SHC2: variants seen among roughly 807,000 people sequenced by gnomAD.
The protein encoded by SHC2 is SHC adaptor protein 2.
Under a neutral mutation model 60.6 loss-of-function variants are expected in SHC2, and 62 were observed. The ratio of observed to expected loss-of-function variants is 1.02; its 90% CI spans 0.83 to 1.26. The LOEUF (loss-of-function observed/expected upper bound fraction) is 1.26. SHC2 is among the 50% of genes most tolerant of loss of function. The pLI, the probability that SHC2 is intolerant of heterozygous loss-of-function variation, is 0.00. For missense variants in SHC2, 873 were observed against 822.2 expected (o/e 1.06, Z -0.76); for synonymous variants, 375 against 372.4 (o/e 1.01, Z -0.08).
In SHC2 at chr19:425,408, C is replaced by G. The variant is rs1293606310; in HGVS notation, c.1175-177G>C. Among the ~76,000 whole-genome samples the G allele has an allele frequency of 6.6e-6, 1 of 152,208 alleles. No homozygotes were observed. Among genetic ancestry groups the G allele is most frequent in the East Asian group, 1.9e-4 (1 of 5,192 alleles). ...GCCCGTCTGCAGGTGCCACAGGGAG[C>G]ATCTTACAGCAGCAAAGCCCCGTCG... On this transcript the variant is annotated intron_variant, in intron 9 of 12. Transcript: ENST00000264554. The surrounding 1 kb of genome is among the most constrained non-coding windows in gnomAD (Gnocchi z 4.1).
At chr19:419,794 C>A (rs2145685419) in intron 11 of SHC2, 1 of 151,696 alleles carries the variant, frequency 6.6e-6, no homozygotes, top group South Asian at 2.1e-4. Flanking sequence ...TGAACGAGAC[C>A]CTCTTAGCGC....
intron 1 of SHC2, among the ~76,000 whole-genome samples, chr19:452,710 G>A (rs1975230194): frequency 6.6e-6 from 1 of 152,226 alleles, no homozygotes. Flanking sequence ...GCTATAAATA[G>A]TGGTAGTTGA....
rs1228711113 is a variant in SHC2, at chr19:425,851, A to G, written c.1175-620T>C. ...CGAGACCAGCCTGGCCAACATGGTGAAACCCCGTCTCTACTAAAAATGCAA... is the reference window on the plus strand; with the variant it reads ...CGAGACCAGCCTGGCCAACATGGTGGAACCCCGTCTCTACTAAAAATGCAA... On this transcript the variant is annotated intron_variant, in intron 9 of 12. Coordinates refer to ENST00000264554, the MANE Select transcript of SHC2 (RefSeq NM_012435.3). The surrounding 1 kb of genome is among the most constrained non-coding windows in gnomAD (Gnocchi z 4.1). Among the ~76,000 whole-genome samples the G allele has an allele frequency of 6.6e-6, 1 of 152,012 alleles. No individual in the cohort carries two copies. Among genetic ancestry groups the G allele is most frequent in the Non-Finnish European group, 1.5e-5 (1 of 68,008 alleles).
In SHC2 at chr19:445,879, CAAAAAT is replaced by C. The variant is rs969217739; in HGVS notation, c.469-4953_469-4948del. Among the ~76,000 whole-genome samples the C allele has an allele frequency of 2.0e-5, 3 of 151,740 alleles. No homozygotes were observed. Among genetic ancestry groups the C allele is most frequent in the Non-Finnish European group, 4.4e-5 (3 of 67,944 alleles). On this transcript the variant is annotated intron_variant, in intron 1 of 12. Coordinates refer to ENST00000264554, the MANE Select transcript of SHC2 (RefSeq NM_012435.3). The surrounding 1 kb of genome is among the most constrained non-coding windows in gnomAD (Gnocchi z 4.4). ...AGAAACCCCAACTCTACTGAAAATA[CAAAAAT>C]AAAAATAAAAATAAAAAAATTAGCT...
intron 1 of SHC2, among the ~76,000 whole-genome samples, chr19:449,190 T>C (rs1457238698): frequency 6.7e-6 from 1 of 149,998 alleles, no homozygotes; most frequent in Non-Finnish European, 1.5e-5. Flanking sequence ...ATAAATAAAA[T>C]AAAAATTAGC....
intron 11 of SHC2, among the ~76,000 whole-genome samples, chr19:420,337 C>T (rs1214905402): frequency 6.6e-6 from 1 of 152,172 alleles, no homozygotes; most frequent in Non-Finnish European, 1.5e-5. Flanking sequence ...CCGCCCGCCG[C>T]CGTGTGCTTC....
rs899661650 is a variant in SHC2, at chr19:446,556, C to T, written c.469-5624G>A. On this transcript the variant is annotated intron_variant, in intron 1 of 12. Coordinates refer to ENST00000264554, the MANE Select transcript of SHC2 (RefSeq NM_012435.3). This position sits in a 1 kb window ranked among gnomAD's most constrained non-coding sequence, Gnocchi z 5.4. Reference sequence around the variant, plus strand: ...GATCTCTTGACCTTGTGATCCGCCTCGGTCTCCCAAAGTGCTGGGACTACA... The same window carrying T: ...GATCTCTTGACCTTGTGATCCGCCTTGGTCTCCCAAAGTGCTGGGACTACA... 1.3e-5 allele frequency among the ~76,000 whole-genome samples: 2 copies of T among 152,128 alleles called. No individual in the cohort carries two copies. Among genetic ancestry groups the T allele is most frequent in the Non-Finnish European group, 2.9e-5 (2 of 68,030 alleles).
intron 11 of SHC2, among the ~76,000 whole-genome samples, chr19:420,621 G>A (rs1321448148): frequency 6.6e-6 from 1 of 152,206 alleles, no homozygotes; most frequent in East Asian, 1.9e-4. Flanking sequence ...CATGATTTTA[G>A]GTACCAGGAG....
chr19:456,450 C>T (rs973411447), intron 1 of SHC2, among the ~76,000 whole-genome samples: 1 of 152,158 alleles, frequency 6.6e-6, no homozygotes, highest in African/African-American at 2.4e-5. Flanking sequence ...CGCCGTCCCT[C>T]GCAGCCTCCT....
intron 12 of SHC2, among the ~76,000 whole-genome samples, chr19:417,613 C>G (rs1404453805): frequency 6.6e-6 from 1 of 152,246 alleles, no homozygotes; most frequent in South Asian, 2.1e-4. Flanking sequence ...ATTCCTGGGA[C>G]AGGGCAACGG....
In SHC2 at chr19:424,996, C is replaced by A. The variant is rs1380754674; in HGVS notation, c.1309+101G>T. ...ACGGGGAGAAGGGAGCCTCCCCCAT[C>A]AGACCAGGGAATCCCGTAGGGAGTG... On this transcript the variant is annotated intron_variant, in intron 10 of 12. Transcript: ENST00000264554. The surrounding 1 kb of genome is among the most constrained non-coding windows in gnomAD (Gnocchi z 4.5). 2.4e-6 allele frequency: 3 copies of A among 1,232,424 alleles called. No homozygotes were observed. The African/African-American group carries it at 4.6e-5, about 19-fold the overall frequency. The allele number at this position is 1,232,424 out of a possible 1,614,324, so 76.3% of individuals were successfully genotyped here. A position where few individuals can be genotyped will look rare whatever the true frequency, so the allele number is the denominator to read the frequency against.
intron 12 of SHC2, 46 bp downstream of exon 12, chr19:418,877 C>G: frequency 1.9e-6 from 3 of 1,552,546 alleles, no homozygotes; most frequent in South Asian, 2.4e-5. Flanking sequence ...AGAAAAGAAT[C>G]TGGCAAAGGA....
intron 8 of SHC2, among the ~76,000 whole-genome samples, chr19:434,492 GTGAA>G (rs750065526): frequency 0.037 from 95 of 2,544 alleles, no homozygotes; most frequent in Middle Eastern, 0.1. Flanking sequence ...CTGTGAGTGA[GTGAA>G]ATCATGAGTG....
Position 438,927 on chromosome 19 carries a change from G to A in SHC2, c.600+43C>T, listed in dbSNP as rs752788458. The A allele has an allele frequency of 7.9e-5, 111 of 1,409,090 alleles. No homozygotes were observed. Among genetic ancestry groups the A allele is most frequent in the Non-Finnish European group, 6.9e-5 (70 of 1,010,158 alleles). The allele number at this position is 1,409,090 out of a possible 1,614,324, so 87.3% of individuals were successfully genotyped here. ...TGGCCGCAGCGTCCCCACAGCCCCC[G>A]ACTGCCCCACCAGCCCCACGAGAGA... On this transcript the variant is annotated intron_variant, in intron 3 of 12. Transcript: ENST00000264554. The surrounding 1 kb of genome is among the most constrained non-coding windows in gnomAD (Gnocchi z 5.0).
rs1332302085 is a variant in SHC2 at position 424,401 on chromosome 19, G to T, written c.1309+696C>A. ...CATCAGGCCGGGATTTCCGTAGGAA[G>T]AATCCTCAGACCCCGGAGTCACGTG... On this transcript the variant is annotated intron_variant, in intron 10 of 12. Coordinates refer to ENST00000264554, the MANE Select transcript of SHC2 (RefSeq NM_012435.3). The surrounding 1 kb of genome is among the most constrained non-coding windows in gnomAD (Gnocchi z 4.5). Among the ~76,000 whole-genome samples the T allele has an allele frequency of 6.6e-6, 1 of 151,908 alleles. No homozygotes were observed. Among genetic ancestry groups the T allele is most frequent in the Non-Finnish European group, 1.5e-5 (1 of 67,922 alleles).
Position 460,608 on chromosome 19 carries a change from C to T in SHC2, c.389G>A (p.Ser130Asn). 7.2e-7 allele frequency: 1 copy of T among 1,380,300 alleles called. No individual in the cohort carries two copies. 85.5% of individuals were successfully genotyped at this position (1,380,300 alleles called of 1,614,324 possible). The part of the protein sequence containing the change: ...AAAAEWIRKG[S>N]FIHKPAHGWL... Reference sequence around the variant, plus strand: ...GCCGTGCGCGGGTTTGTGGATGAAGCTGCCCTTCCGGATCCACTCGGCGGC... The same window carrying T: ...GCCGTGCGCGGGTTTGTGGATGAAGTTGCCCTTCCGGATCCACTCGGCGGC... Residue 130 changes from serine to asparagine, a missense_variant, in exon 1 of 13, where the codon AGC becomes AAC. Ser to Asn is a conservative substitution (Grantham distance 46). Coordinates refer to ENST00000264554, the MANE Select transcript of SHC2 (RefSeq NM_012435.3).
rs907327705 is a variant in SHC2 at position 430,594 on chromosome 19, G to C, written c.1174+90C>G. 1.8e-5 allele frequency: 17 copies of C among 969,642 alleles called. No homozygotes were observed. The African/African-American group carries it at 2.6e-4, about 15-fold the overall frequency. The allele number at this position is 969,642 out of a possible 1,614,324, so 60.1% of individuals were successfully genotyped here. A position where few individuals can be genotyped will look rare whatever the true frequency, so the allele number is the denominator to read the frequency against. ...TAGATTAATGTGAAATAAGCAGAGA[G>C]GAGAAAGACTGAGGGGGAGCCAGCA... On this transcript the variant is annotated intron_variant, in intron 9 of 12. Transcript: ENST00000264554.
intron 9 of SHC2, 113 bp downstream of exon 9, chr19:430,571 G>T: frequency 2.5e-6 from 2 of 790,356 alleles, no homozygotes; most frequent in Non-Finnish European, 4.1e-6. Context: ...CGATCTCATA[G>T]ATTAATGTGA....
chr19:456,024 G>C (rs1051495978), intron 1 of SHC2, among the ~76,000 whole-genome samples: 5 of 152,186 alleles, frequency 3.3e-5, no homozygotes, highest in African/African-American at 9.7e-5. Context: ...CCCTCAGAAT[G>C]TTCTCTCCGG....
Sources: gnomAD v4.1 joint callset for allele counts (sites outside exome capture counted in the v4.1 genomes callset) on GRCh38, gnomAD v4.1.1 for gene constraint, Gnocchi (gnomAD v3.1) non-coding constraint, MANE v1.5 for transcripts, NCBI Gene and HGNC (gene_info 2026-07-23, HGNC 2026-07-21) for gene names.